The following TENM2 variants were observed in gnomAD, a reference collection of about 807,000 sequenced individuals.
TENM2 encodes teneurin transmembrane protein 2, also known as teneurin-2.
TENM2 carries 52 observed loss-of-function variants against 245.2 expected under a neutral mutation model. The ratio of observed to expected loss-of-function variants is 0.21; its 90% confidence interval spans 0.17 to 0.27. The LOEUF is 0.27. TENM2 is among the 10% of genes least tolerant of loss of function. TENM2 has a pLI of 1.00. For missense variants in TENM2, 3,046 were observed against 3,666.8 expected (o/e 0.83, Z 4.37); for synonymous variants, 1,363 against 1,438.9 (o/e 0.95, Z 1.19).
chr5:167,380,368 A>C (rs1230713453), intron 2 of TENM2, among the ~76,000 whole-genome samples: 1 of 152,200 alleles, frequency 6.6e-6, no homozygotes, highest in African/African-American at 2.4e-5. Context: ...GATGTTCTGC[A>C]AATGGACTCG....
chr5:167,457,992 G>T (rs868788684), intron 2 of TENM2, among the ~76,000 whole-genome samples: 3 of 152,110 alleles, frequency 2.0e-5, no homozygotes, highest in South Asian at 2.1e-4. Context: ...AAGGCAACTT[G>T]ATTTTTTTTT....
rs140012271 is a variant in TENM2, at chr5:168,108,176, A to G, written c.1813+10049A>G. Among the ~76,000 whole-genome samples, 28 of 152,332 alleles carry G rather than the reference A, an allele frequency of 1.8e-4. 2 individuals carry two copies. The East Asian group carries it at 5.2e-3, about 28-fold the overall frequency. Reference sequence around the variant, plus strand: ...TGCAGCAATAAATCAGCCACCTTTGAGGCATGGAGGGAGGGCATGAGCAAA... The same window carrying G: ...TGCAGCAATAAATCAGCCACCTTTGGGGCATGGAGGGAGGGCATGAGCAAA... On this transcript the variant is annotated intron_variant, in intron 9 of 28. Transcript: ENST00000518659.
chr5:167,793,338 T>C (rs66525444), intron 2 of TENM2, among the ~76,000 whole-genome samples: 22,083 of 151,860 alleles, frequency 0.15, 2,229 homozygotes, highest in African/African-American at 0.28. Context: ...AAGAAGAGAG[T>C]TTTTGAGGTT....
At chr5:167,227,768 T>C in the TENM2 span, among the ~76,000 whole-genome samples, 15 of 152,224 alleles carry the variant, frequency 9.9e-5, no homozygotes, top group African/African-American at 3.1e-4. Flanking sequence ...TAATGATCTC[T>C]GAGCCTGCTG....
At chr5:167,868,281 G>A (rs1413565780) in intron 2 of TENM2, among the ~76,000 whole-genome samples, 2 of 152,180 alleles carry the variant, frequency 1.3e-5, no homozygotes, top group African/African-American at 4.8e-5. Flanking sequence ...GATTGCCCCA[G>A]TGGAGAATGA....
At chr5:167,233,775 G>T in the TENM2 span, among the ~76,000 whole-genome samples, 1 of 152,020 alleles carries the variant, frequency 6.6e-6, no homozygotes, top group Admixed American at 6.5e-5. Context: ...CTGAAATCTA[G>T]AATCAGTGAG....
the TENM2 span, among the ~76,000 whole-genome samples, chr5:167,064,075 G>T: frequency 6.6e-6 from 1 of 152,254 alleles, no homozygotes; most frequent in Admixed American, 6.5e-5. Context: ...AGGCATGTGG[G>T]CTGTTTGCCC....
chr5:167,790,221 T>C (rs748147828), intron 2 of TENM2, among the ~76,000 whole-genome samples: 22 of 152,088 alleles, frequency 1.4e-4, no homozygotes, highest in African/African-American at 1.9e-4. Flanking sequence ...CAGAATACGG[T>C]CTGTTTCTAA....
chr5:168,241,464 G>A (rs1358213330), intron 25 of TENM2, among the ~76,000 whole-genome samples: 1 of 143,452 alleles, frequency 7.0e-6, no homozygotes, highest in African/African-American at 2.6e-5. Context: ...GTTTCACCAT[G>A]TTGGCCAGGC....
At chr5:167,185,948 G>T in the TENM2 span, among the ~76,000 whole-genome samples, 1 of 152,030 alleles carries the variant, frequency 6.6e-6, no homozygotes, top group African/African-American at 2.4e-5. Flanking sequence ...CTGACTCCTC[G>T]GAATATCTAC....
chr5:167,862,361 G>A (rs1163627652), intron 2 of TENM2, among the ~76,000 whole-genome samples: 1 of 152,052 alleles, frequency 6.6e-6, no homozygotes. Flanking sequence ...CATACCACTA[G>A]GCTCCGTGAG....
intron 2 of TENM2, among the ~76,000 whole-genome samples, chr5:167,723,294 C>T (rs1042404970): frequency 6.6e-6 from 1 of 152,090 alleles, no homozygotes; most frequent in African/African-American, 2.4e-5. Context: ...GCCCCTGAGT[C>T]CTCATCTAGT....
intron 12 of TENM2, among the ~76,000 whole-genome samples, chr5:168,152,349 G>A (rs996577033): frequency 6.6e-6 from 1 of 152,102 alleles, no homozygotes; most frequent in Non-Finnish European, 1.5e-5. Context: ...TACATTTCCT[G>A]AAGTTACACT....
intron 2 of TENM2, among the ~76,000 whole-genome samples, chr5:167,806,501 T>C (rs1369428117): frequency 1.3e-5 from 2 of 152,098 alleles, no homozygotes; most frequent in African/African-American, 4.8e-5. Context: ...TTCTCTCCCG[T>C]GTTACCTTCT....
At chr5:167,112,881 A>G in the TENM2 span, among the ~76,000 whole-genome samples, 2 of 152,204 alleles carry the variant, frequency 1.3e-5, no homozygotes, top group Admixed American at 1.3e-4. Flanking sequence ...GGCCAAATAG[A>G]TAGAACATCA....
chr5:167,535,185 G>C (rs1263137436), intron 2 of TENM2, among the ~76,000 whole-genome samples: 1 of 151,824 alleles, frequency 6.6e-6, no homozygotes, highest in Admixed American at 6.6e-5. Context: ...GACCATTTGG[G>C]GTTGGGGGGT....
intron 2 of TENM2, among the ~76,000 whole-genome samples, chr5:167,531,342 T>G (rs1008079124): frequency 6.6e-6 from 1 of 152,216 alleles, no homozygotes; most frequent in Admixed American, 6.5e-5. Context: ...ATTTCACTGT[T>G]TTCTATTTTC....
At chr5:167,802,111 C>A (rs1186510011) in intron 2 of TENM2, among the ~76,000 whole-genome samples, 1 of 152,104 alleles carries the variant, frequency 6.6e-6, no homozygotes, top group African/African-American at 2.4e-5. Flanking sequence ...TCTCTTATAT[C>A]TCTTTTATGA....
Position 167,762,220 on chromosome 5 carries a change from A to T in TENM2, c.503-113766A>T, listed in dbSNP as rs188112170. Among the ~76,000 whole-genome samples the T allele has an allele frequency of 1.3e-3, 194 of 152,270 alleles. 1 individual carries two copies. Among genetic ancestry groups the T allele is most frequent in the South Asian group, 6.6e-3 (32 of 4,822 alleles). On this transcript the variant is annotated intron_variant, in intron 2 of 28. Transcript: ENST00000518659. ...GCAGCTCTAAGGTTTTCTACAAGTG[A>T]GCTAAGAATATCCCTGGCTCCTTAG... is the stretch of plus-strand genomic sequence containing the variant.
Sources: gnomAD v4.1 joint callset for allele counts (sites outside exome capture counted in the v4.1 genomes callset) on GRCh38, gnomAD v4.1.1 for gene constraint, MANE v1.5 for transcripts, NCBI Gene and HGNC (gene_info 2026-07-23, HGNC 2026-07-21) for gene names.